MSRA: variants seen among roughly 807,000 people sequenced by gnomAD.
MSRA encodes methionine sulfoxide reductase A.
MSRA carries 54 observed loss-of-function variants against 31.3 expected under a neutral mutation model. The ratio of observed to expected loss-of-function variants is 1.73; its 90% CI spans 1.39 to 2.17. The LOEUF (loss-of-function observed/expected upper bound fraction) is 2.17. Among genes scored for constraint, MSRA ranks in the 30% most tolerant of loss-of-function variants. The pLI is 0.00. For synonymous variants in MSRA, 169 were observed against 116.5 expected, an observed-to-expected ratio of 1.45 and a Z score of -2.90; for missense variants, 507 against 300.9, an observed-to-expected ratio of 1.69 and a Z score of -5.07.
chr8:10,096,022 TC>T, intron 1 of MSRA: 1 of 1,458,012 alleles, frequency 6.9e-7, no homozygotes, highest in Non-Finnish European at 9.1e-7. Context: ...CAGAAAGACA[TC>T]CTTCGGAATG....
At chr8:10,148,708 A>C (rs1401803497) in intron 1 of MSRA, among the ~76,000 whole-genome samples, 1 of 146,884 alleles carries the variant, frequency 6.8e-6, no homozygotes, top group South Asian at 2.3e-4. Context: ...AGGCCGAGGC[A>C]GGAGGATTGC....
intron 5 of MSRA, among the ~76,000 whole-genome samples, chr8:10,423,308 A>G (rs6985267): frequency 1.3e-5 from 2 of 152,030 alleles, no homozygotes; most frequent in Non-Finnish European, 2.9e-5. Context: ...CAATTCGTTA[A>G]GGAAAAGTAG....
rs1809342746 is a variant in MSRA at position 10,428,520 on chromosome 8, G to A, written c.*208G>A. 2 of 555,424 alleles carry A rather than the reference G, an allele frequency of 3.6e-6. No individual in the cohort carries two copies. Among genetic ancestry groups the A allele is most frequent in the South Asian group, 2.0e-5 (1 of 49,230 alleles). The allele number at this position is 555,424 out of a possible 1,614,324, so 34.4% of individuals were successfully genotyped here. On this transcript the variant is annotated 3_prime_UTR_variant, in exon 6 of 6. Coordinates refer to ENST00000317173, the MANE Select transcript of MSRA (RefSeq NM_012331.5). ...TATCTCCTAATAAGTTATGGTGGGAGTGGAGCTGTGCAGTTTCCTGTGTCT... is the reference window on the plus strand; with the variant it reads ...TATCTCCTAATAAGTTATGGTGGGAATGGAGCTGTGCAGTTTCCTGTGTCT...
intron 5 of MSRA, among the ~76,000 whole-genome samples, chr8:10,406,494 G>C (rs1563445623): frequency 1.3e-5 from 2 of 152,186 alleles, no homozygotes; most frequent in Non-Finnish European, 1.5e-5. Context: ...AAGAAGGGGA[G>C]ATGGGTGTTG....
chr8:10,240,783 G>A (rs2952234), intron 2 of MSRA, among the ~76,000 whole-genome samples: 26,921 of 151,922 alleles, frequency 0.18, 2,506 homozygotes, highest in East Asian at 0.32. Context: ...GAGCTGCCCT[G>A]CATTTCCAGC....
chr8:10,219,069 C>G (rs755224353), intron 2 of MSRA, among the ~76,000 whole-genome samples: 1 of 152,170 alleles, frequency 6.6e-6, no homozygotes, highest in African/African-American at 2.4e-5. Flanking sequence ...AAAAGCAACT[C>G]CAGAGAGGGC....
At chr8:10,070,299 G>A (rs1421291688) in intron 1 of MSRA, among the ~76,000 whole-genome samples, 1 of 152,200 alleles carries the variant, frequency 6.6e-6, no homozygotes, top group Admixed American at 6.5e-5. Context: ...TAGTCAATTT[G>A]CATCTGGAGT....
chr8:10,120,767 A>T (rs533557158), intron 1 of MSRA, among the ~76,000 whole-genome samples: 1 of 152,296 alleles, frequency 6.6e-6, no homozygotes, highest in East Asian at 1.9e-4. Context: ...CACTGTGTTA[A>T]TTGGGAAGCC....
intron 1 of MSRA, among the ~76,000 whole-genome samples, chr8:10,200,949 G>A (rs1808441585): frequency 6.6e-6 from 1 of 152,144 alleles, no homozygotes. Flanking sequence ...TCCTTGAGGG[G>A]CCCGCTGCAG....
intron 1 of MSRA, among the ~76,000 whole-genome samples, chr8:10,069,978 C>G (rs371416020): frequency 6.6e-5 from 10 of 152,148 alleles, no homozygotes; most frequent in African/African-American, 1.7e-4. Flanking sequence ...AATCACAGCA[C>G]GTGGTATGTA....
intron 5 of MSRA, among the ~76,000 whole-genome samples, chr8:10,370,004 T>G (rs979170698): frequency 6.6e-6 from 1 of 152,268 alleles, no homozygotes; most frequent in East Asian, 1.9e-4. Flanking sequence ...TCTGTTCATA[T>G]TGAAGAAGAA....
Position 10,220,798 on chromosome 8 carries a change from G to T in MSRA, c.211+12897G>T, listed in dbSNP as rs1158024927. Reference sequence around the variant, plus strand: ...TTCCTCAGCATATGACCTTTGTCAGGGTGGCAGTGGGCACTCACATTGGGA... The same window carrying T: ...TTCCTCAGCATATGACCTTTGTCAGTGTGGCAGTGGGCACTCACATTGGGA... On this transcript the variant is annotated intron_variant, in intron 2 of 5. Coordinates refer to ENST00000317173, the MANE Select transcript of MSRA (RefSeq NM_012331.5). Among the ~76,000 whole-genome samples, 4 of 152,246 alleles carry T rather than the reference G, an allele frequency of 2.6e-5. No individual in the cohort carries two copies. In the South Asian group the frequency reaches 8.3e-4, roughly 32 times the overall value.
chr8:10,384,551 C>G (rs1298069849), intron 5 of MSRA, among the ~76,000 whole-genome samples: 3 of 152,186 alleles, frequency 2.0e-5, no homozygotes, highest in Non-Finnish European at 4.4e-5. Flanking sequence ...GGTTTGAAAA[C>G]TCTTTCACCC....
intron 5 of MSRA, among the ~76,000 whole-genome samples, chr8:10,360,747 C>G (rs532619648): frequency 1.4e-3 from 212 of 152,278 alleles, no homozygotes; most frequent in African/African-American, 4.8e-3. Context: ...TTCATTTGGG[C>G]GACAGGGATG....
intron 1 of MSRA, among the ~76,000 whole-genome samples, chr8:10,075,990 C>T (rs1797977998): frequency 1.3e-5 from 2 of 152,204 alleles, no homozygotes; most frequent in African/African-American, 4.8e-5. Context: ...TAAATAGGCA[C>T]ATTCAGAAAT....
At chr8:10,391,293 T>C (rs550576617) in intron 5 of MSRA, among the ~76,000 whole-genome samples, 2 of 152,320 alleles carry the variant, frequency 1.3e-5, no homozygotes, top group East Asian at 3.9e-4. Flanking sequence ...CAAGGTCTGC[T>C]CTGGCCCCTG....
chr8:10,105,666 C>A (rs529102228), intron 1 of MSRA, among the ~76,000 whole-genome samples: 7 of 152,146 alleles, frequency 4.6e-5, no homozygotes, highest in African/African-American at 1.7e-4. Context: ...AATCTCGGTG[C>A]AATAAGCACT....
At chr8:10,141,405 A>G (rs1318810849) in intron 1 of MSRA, among the ~76,000 whole-genome samples, 2 of 152,192 alleles carry the variant, frequency 1.3e-5, no homozygotes, top group Non-Finnish European at 2.9e-5. Context: ...GAAGCCTGGC[A>G]CCAGAAAGGA....
chr8:10,165,826 A>G (rs531053711), intron 1 of MSRA, among the ~76,000 whole-genome samples: 10 of 152,288 alleles, frequency 6.6e-5, no homozygotes, highest in African/African-American at 2.4e-4. Flanking sequence ...AATGCTTCCT[A>G]TGTGTCAAAC....
Sources: allele counts gnomAD v4.1 joint callset (sites outside exome capture counted in the v4.1 genomes callset), GRCh38; gene constraint gnomAD v4.1.1; transcripts MANE v1.5; gene names NCBI Gene and HGNC (gene_info 2026-07-23, HGNC 2026-07-21).